TTF1: variants seen among roughly 807,000 people sequenced by gnomAD.
TTF1 encodes the protein transcription termination factor, RNA polymerase I.
Under a neutral mutation model 80.2 loss-of-function variants are expected in TTF1, and 64 were observed. The observed-to-expected ratio is 0.80, with a 90% CI of 0.65 to 0.98. The LOEUF (loss-of-function observed/expected upper bound fraction) is 0.98, where lower values mean the gene tolerates loss of function less well. Ranked by LOEUF, TTF1 falls within the 50% of genes least tolerant of loss-of-function variation. TTF1 has a pLI of 0.00. For missense variants in TTF1, 1,023 were observed against 1,086.2 expected (o/e 0.94, Z 0.82); for synonymous variants, 372 against 382.7 (o/e 0.97, Z 0.33).
rs114482101 is a variant in TTF1, at chr9:132,398,036, G to A, written c.1777+105C>T. On this transcript the variant is annotated intron_variant, in intron 4 of 10. Coordinates refer to ENST00000334270, the MANE Select transcript of TTF1 (RefSeq NM_007344.4). Reference sequence around the variant, plus strand: ...GCCATCACAGCAGTTAATGTGCGCCGCCTGCAGGCAATGGGCCAGGTACCG... The same window carrying A: ...GCCATCACAGCAGTTAATGTGCGCCACCTGCAGGCAATGGGCCAGGTACCG... 2,129 of 860,206 alleles carry A rather than the reference G, an allele frequency of 2.5e-3. 42 individuals carry two copies. The African/African-American group carries it at 0.034, about 14-fold the overall frequency. 53.3% of individuals were successfully genotyped at this position (860,206 alleles called of 1,614,324 possible).
intron 7 of TTF1, among the ~76,000 whole-genome samples, chr9:132,389,177 TCTTC>T (rs1254288573): frequency 2.0e-5 from 3 of 150,148 alleles, no homozygotes; most frequent in East Asian, 3.9e-4. Flanking sequence ...TATAACTCAC[TCTTC>T]CTTTTTTTTT....
In TTF1 at chr9:132,375,655, A is replaced by C. The variant is rs1028334716; in HGVS notation, c.*260T>G. The C allele has an allele frequency of 3.1e-6, 1 of 326,742 alleles. No homozygotes were observed. The highest frequency in any genetic ancestry group is 2.1e-5 in the African/African-American group (1 of 47,942). 20.2% of individuals were successfully genotyped at this position (326,742 alleles called of 1,614,324 possible). Reference sequence around the variant, plus strand: ...CATTCTTTATTAAACATCAATACTGAAAACAGATTTACTGACATATGTATA... The same window carrying C: ...CATTCTTTATTAAACATCAATACTGCAAACAGATTTACTGACATATGTATA... On this transcript the variant is annotated 3_prime_UTR_variant, in exon 11 of 11. Transcript: ENST00000334270.
intron 10 of TTF1, among the ~76,000 whole-genome samples, chr9:132,377,624 A>G (rs1337114356): frequency 1.3e-5 from 1 of 76,538 alleles, no homozygotes; most frequent in Non-Finnish European, 2.5e-5. Context: ...ATGTGGTGTG[A>G]GTGCATGTGG....
chr9:132,386,674 A>G (rs1849473814), intron 8 of TTF1, 53 bp from the exon 9 acceptor site: 10 of 1,449,074 alleles, frequency 6.9e-6, no homozygotes, highest in Non-Finnish European at 9.7e-6. Context: ...CATGATAGCC[A>G]TCTTCATGGA....
chr9:132,379,888 A>C (rs947873703), intron 9 of TTF1, among the ~76,000 whole-genome samples: 1 of 152,176 alleles, frequency 6.6e-6, no homozygotes, highest in African/African-American at 2.4e-5. Flanking sequence ...ACTTTTTCCT[A>C]ATAAAAGGGG....
intron 3 of TTF1, among the ~76,000 whole-genome samples, chr9:132,399,117 T>C (rs1273531785): frequency 6.7e-6 from 1 of 149,244 alleles, no homozygotes; most frequent in Non-Finnish European, 1.5e-5. Flanking sequence ...GAGAACCACT[T>C]GAACCCAGGA....
intron 10 of TTF1, among the ~76,000 whole-genome samples, chr9:132,376,629 G>C (rs550429129): frequency 4.4e-4 from 67 of 151,482 alleles, no homozygotes; most frequent in Admixed American, 7.9e-4. Context: ...GAATTGGTAC[G>C]TAGGTCTGAA....
At chr9:132,380,236 AATTTTTGT>A (rs1341163215) in intron 9 of TTF1, among the ~76,000 whole-genome samples, 11 of 151,904 alleles carry the variant, frequency 7.2e-5, no homozygotes, top group Admixed American at 2.0e-4. Flanking sequence ...CGCCCAGCTA[AATTTTTGT>A]ATTTTTGTAT....
intron 5 of TTF1, among the ~76,000 whole-genome samples, chr9:132,394,453 T>C (rs1158771943): frequency 1.3e-5 from 2 of 151,712 alleles, no homozygotes; most frequent in Non-Finnish European, 2.9e-5. Context: ...CTAATTTTTG[T>C]ATTTTTAGTA....
rs758692082 is a variant in TTF1, at chr9:132,375,986, C to T, written c.2647G>A (p.Gly883Ser). The T allele has an allele frequency of 8.7e-6, 14 of 1,613,838 alleles. No individual in the cohort carries two copies. The highest frequency in any genetic ancestry group is 1.6e-4 in the Middle Eastern group (1 of 6,062). Residue 883 changes from glycine (G) to serine (S), a missense_variant, in exon 11 of 11, where the codon GGC becomes AGC. Physicochemically the swap from Gly to Ser is moderately conservative, Grantham distance 56. Coordinates refer to ENST00000334270, the MANE Select transcript of TTF1 (RefSeq NM_007344.4). ...GCGTGAGCCATGCATGGCGCCTGGCCTTCGCTTTCTTTTTCTATGTCCTCT... is the reference window on the plus strand; with the variant it reads ...GCGTGAGCCATGCATGGCGCCTGGCTTTCGCTTTCTTTTTCTATGTCCTCT... The part of the protein sequence containing the change: ...EGEDIEKESE[G>S]QAPCMAHACN...
Position 132,393,256 on chromosome 9 carries a change from A to G in TTF1, c.1857-1050T>C, listed in dbSNP as rs553633114. Among the ~76,000 whole-genome samples the G allele has an allele frequency of 3.6e-5, 5 of 140,040 alleles. No individual in the cohort carries two copies. The South Asian group carries it at 1.2e-3, about 33-fold the overall frequency. The allele number at this position is 140,040 out of a possible 152,430, so 91.9% of individuals were successfully genotyped here. On this transcript the variant is annotated intron_variant, in intron 5 of 10. Transcript: ENST00000334270. ...GTGCATTCATCCTACATAAAAATACATGTTGGGAGCAAGCCCCCCCCGCAA... is the reference window on the plus strand; with the variant it reads ...GTGCATTCATCCTACATAAAAATACGTGTTGGGAGCAAGCCCCCCCCGCAA...
intron 9 of TTF1, among the ~76,000 whole-genome samples, chr9:132,382,669 C>T (rs1251072847): frequency 2.0e-5 from 3 of 151,804 alleles, no homozygotes; most frequent in African/African-American, 7.3e-5. Flanking sequence ...TGGTGGCTCA[C>T]GTCTGTAATC....
chr9:132,377,708 G>A (rs1253146884), intron 10 of TTF1, among the ~76,000 whole-genome samples: 15 of 95,938 alleles, frequency 1.6e-4, no homozygotes, highest in African/African-American at 6.1e-4. Context: ...CATGTGGTGT[G>A]TGTGAGTGCA....
At chr9:132,390,516 G>A (rs973759903) in intron 7 of TTF1, 81 bp downstream of exon 7, 21 of 1,362,180 alleles carry the variant, frequency 1.5e-5, no homozygotes, top group South Asian at 1.0e-4. Context: ...GCTTCCCCAC[G>A]GCAGTTACAC....
At chr9:132,397,433 T>C (rs1589824963) in intron 4 of TTF1, among the ~76,000 whole-genome samples, 1 of 152,278 alleles carries the variant, frequency 6.6e-6, no homozygotes, top group Middle Eastern at 3.4e-3. Context: ...ACCTTCTAAC[T>C]TCACAGGCAG....
At chr9:132,379,013 C>T in intron 10 of TTF1, 46 bp downstream of exon 10, 1 of 1,440,262 alleles carries the variant, frequency 6.9e-7, no homozygotes, top group Non-Finnish European at 9.5e-7. Flanking sequence ...CAGCATGTGG[C>T]ACCAAATGCC....
At chr9:132,396,363 A>G (rs141785781) in intron 5 of TTF1, 70 bp downstream of exon 5, 2 of 1,455,504 alleles carry the variant, frequency 1.4e-6, no homozygotes, top group African/African-American at 2.8e-5. Context: ...ACTGCTGTGA[A>G]TATTTTGATT....
In TTF1 at chr9:132,379,069, C is replaced by T; in HGVS notation, c.2454G>A (p.Lys818=). ...KAVYVPFWQK[K]TFPEIIDYLY... ...ATTAAGAATACTAACCTGGAAAAGT[C>T]TTTTTCTGCCAAAATGGAACATAGA... The change falls in exon 10 of 11, where the codon AAG becomes AAA. Residue 818 remains lysine (K), a synonymous_variant. Transcript: ENST00000334270. 1 of 1,606,558 alleles carries T rather than the reference C, an allele frequency of 6.2e-7. No homozygotes were observed. Among genetic ancestry groups the T allele is most frequent in the Non-Finnish European group, 8.5e-7 (1 of 1,177,582 alleles).
rs549131314 is a variant in TTF1 at position 132,380,201 on chromosome 9, C to A, written c.2379-1057G>T. On this transcript the variant is annotated intron_variant, in intron 9 of 10. Coordinates refer to ENST00000334270, the MANE Select transcript of TTF1 (RefSeq NM_007344.4). Reference sequence around the variant, plus strand: ...TCTCCTGGCTCAGCCTCCTGAGTAGCTGGGATTACAGGTGCCCACCACCAC... The same window carrying A: ...TCTCCTGGCTCAGCCTCCTGAGTAGATGGGATTACAGGTGCCCACCACCAC... Among the ~76,000 whole-genome samples the A allele has an allele frequency of 5.3e-5, 8 of 152,234 alleles. No individual in the cohort carries two copies. In the East Asian group the frequency reaches 1.4e-3, roughly 26 times the overall value.
Sources: gnomAD v4.1 joint callset for allele counts (sites outside exome capture counted in the v4.1 genomes callset) on GRCh38, gnomAD v4.1.1 for gene constraint, MANE v1.5 for transcripts, NCBI Gene and HGNC (gene_info 2026-07-23, HGNC 2026-07-21) for gene names.